The following CNTNAP2 variants were observed in gnomAD, a reference collection of about 807,000 sequenced individuals.
CNTNAP2 encodes contactin-associated protein-like 2.
CNTNAP2 carries 98 observed loss-of-function variants against 155.2 expected under a neutral mutation model. That is an observed-to-expected ratio of 0.63 (90% confidence interval 0.54 to 0.75). CNTNAP2 has a LOEUF of 0.75. CNTNAP2 is among the 30% of genes least tolerant of loss of function. The pLI, the probability that CNTNAP2 is intolerant of heterozygous loss-of-function variation, is 0.00. For missense variants in CNTNAP2, 1,727 were observed against 1,688.1 expected (o/e 1.02, Z -0.40); for synonymous variants, 651 against 631.2 (o/e 1.03, Z -0.47).
At chr7:147,698,593 T>A (rs887000352) in intron 13 of CNTNAP2, among the ~76,000 whole-genome samples, 4 of 152,220 alleles carry the variant, frequency 2.6e-5, no homozygotes, top group Non-Finnish European at 5.9e-5. Context: ...GACATGGTCT[T>A]GCTCTATTGT....
chr7:148,326,384 A>G (rs1797887562), intron 21 of CNTNAP2, among the ~76,000 whole-genome samples: 1 of 152,008 alleles, frequency 6.6e-6, no homozygotes, highest in Admixed American at 6.6e-5. Flanking sequence ...CTGCAATAAA[A>G]CAGACATTGC....
chr7:147,433,671 C>T (rs1797501810), intron 10 of CNTNAP2, among the ~76,000 whole-genome samples: 2 of 152,112 alleles, frequency 1.3e-5, no homozygotes, highest in Admixed American at 6.5e-5. Context: ...TTGTTGTGAA[C>T]AAGGTTTCTC....
At chr7:147,713,844 C>A (rs891085914) in intron 13 of CNTNAP2, among the ~76,000 whole-genome samples, 2 of 152,052 alleles carry the variant, frequency 1.3e-5, no homozygotes, top group African/African-American at 4.8e-5. Flanking sequence ...ATTAGCATTT[C>A]CCTAATGACT....
Position 146,876,075 on chromosome 7 carries a change from T to G in CNTNAP2, c.402+36171T>G, listed in dbSNP as rs534655323. 2.6e-4 allele frequency among the ~76,000 whole-genome samples: 40 copies of G among 152,040 alleles called. No individual in the cohort carries two copies. In the South Asian group the frequency reaches 7.9e-3, roughly 30 times the overall value. On this transcript the variant is annotated intron_variant, in intron 3 of 23. Transcript: ENST00000361727. ...CCTCTCTTACATTAAACTCCTGGCC[T>G]GTTTAACTTTGTTTGGCAGATTGTT... is the stretch of plus-strand genomic sequence containing the variant.
intron 8 of CNTNAP2, among the ~76,000 whole-genome samples, chr7:147,287,780 C>T (rs998134810): frequency 1.3e-5 from 2 of 152,128 alleles, no homozygotes; most frequent in African/African-American, 4.8e-5. Context: ...TCAATTTCCA[C>T]TCAGTTGCTT....
chr7:147,031,753 A>G (rs1211308642), intron 3 of CNTNAP2, among the ~76,000 whole-genome samples: 3 of 152,182 alleles, frequency 2.0e-5, no homozygotes. Flanking sequence ...CCTCATCTCT[A>G]CTAAAAATAC....
At chr7:146,956,415 G>T (rs1392635589) in intron 3 of CNTNAP2, among the ~76,000 whole-genome samples, 1 of 152,072 alleles carries the variant, frequency 6.6e-6, no homozygotes, top group Non-Finnish European at 1.5e-5. Flanking sequence ...GTTTCCTCTT[G>T]AATCTGAGCA....
intron 1 of CNTNAP2, among the ~76,000 whole-genome samples, chr7:146,218,318 G>A (rs1274555535): frequency 4.6e-5 from 7 of 152,098 alleles, no homozygotes; most frequent in Non-Finnish European, 1.0e-4. Context: ...GACCATCCTG[G>A]CTAACACGGT....
intron 1 of CNTNAP2, among the ~76,000 whole-genome samples, chr7:146,458,408 C>T (rs576405076): frequency 3.3e-5 from 5 of 152,064 alleles, no homozygotes; most frequent in East Asian, 1.9e-4. Flanking sequence ...CCATCTAATA[C>T]GAAAACCACG....
chr7:146,153,870 T>C (rs1167558654), intron 1 of CNTNAP2, among the ~76,000 whole-genome samples: 1 of 124,476 alleles, frequency 8.0e-6, no homozygotes, highest in African/African-American at 3.1e-5. Flanking sequence ...ACATTTTCTA[T>C]GTCTAAAGGA....
intron 14 of CNTNAP2, among the ~76,000 whole-genome samples, chr7:147,933,734 G>A (rs1800552821): frequency 6.6e-6 from 1 of 152,086 alleles, no homozygotes; most frequent in Non-Finnish European, 1.5e-5. Context: ...ATGGTGGTGG[G>A]TGCCTGTAAT....
At chr7:146,161,774 A>G (rs1386368241) in intron 1 of CNTNAP2, among the ~76,000 whole-genome samples, 1 of 152,226 alleles carries the variant, frequency 6.6e-6, no homozygotes, top group Non-Finnish European at 1.5e-5. Context: ...CTGCAAGGCT[A>G]CAGTAACCAA....
At chr7:147,473,038 G>A (rs1798254108) in intron 10 of CNTNAP2, among the ~76,000 whole-genome samples, 1 of 152,172 alleles carries the variant, frequency 6.6e-6, no homozygotes, top group Non-Finnish European at 1.5e-5. Flanking sequence ...GAGGGGCCAG[G>A]AAGAAACAGG....
At chr7:147,516,848 C>CTT (rs1221666617) in intron 11 of CNTNAP2, among the ~76,000 whole-genome samples, 1,207 of 112,598 alleles carry the variant, frequency 0.011, 35 homozygotes, top group African/African-American at 0.038. Context: ...TCTTTCTTTT[C>CTT]TTTTTTTTTT....
At chr7:147,497,745 T>G (rs746405635) in intron 11 of CNTNAP2, among the ~76,000 whole-genome samples, 1 of 152,198 alleles carries the variant, frequency 6.6e-6, no homozygotes, top group Non-Finnish European at 1.5e-5. Flanking sequence ...CTCTAGAGTT[T>G]GAATGACATA....
chr7:146,764,996 A>G (rs1305348668), intron 1 of CNTNAP2, among the ~76,000 whole-genome samples: 1 of 152,130 alleles, frequency 6.6e-6, no homozygotes, highest in Admixed American at 6.6e-5. Flanking sequence ...TCCTCAGAAG[A>G]GGATTATTGG....
chr7:146,716,459 A>G (rs79951131), intron 1 of CNTNAP2, among the ~76,000 whole-genome samples: 1 of 152,162 alleles, frequency 6.6e-6, no homozygotes, highest in East Asian at 1.9e-4. Flanking sequence ...AATTGTCCCC[A>G]AAGTGTTTCT....
chr7:147,207,505 T>C (rs1440188508), intron 8 of CNTNAP2, among the ~76,000 whole-genome samples: 2 of 152,180 alleles, frequency 1.3e-5, no homozygotes, highest in African/African-American at 4.8e-5. Flanking sequence ...AGCATCATTC[T>C]ATTCAAGTTC....
intron 1 of CNTNAP2, among the ~76,000 whole-genome samples, chr7:146,696,675 C>T (rs1316999045): frequency 6.6e-6 from 1 of 152,092 alleles, no homozygotes; most frequent in Non-Finnish European, 1.5e-5. Context: ...ATTTCTCTCT[C>T]ATCACTGGTT....
Sources: gnomAD v4.1 joint callset for allele counts (sites outside exome capture counted in the v4.1 genomes callset) on GRCh38, gnomAD v4.1.1 for gene constraint, MANE v1.5 for transcripts, NCBI Gene and HGNC (gene_info 2026-07-23, HGNC 2026-07-21) for gene names.